The following NRF1 variants were observed in gnomAD, a reference collection of about 807,000 sequenced individuals.
NRF1 encodes alpha palindromic-binding protein.
NRF1 carries 5 observed loss-of-function variants against 58.5 expected under a neutral mutation model. The ratio of observed to expected loss-of-function variants is 0.09; its 90% confidence interval spans 0.04 to 0.18. NRF1 has a LOEUF of 0.18. NRF1 is among the 10% of genes least tolerant of loss of function. The probability of loss-of-function intolerance (pLI) is 1.00; values close to 1 mark genes in which losing one functional copy is unlikely to be tolerated. For synonymous variants in NRF1, 224 were observed against 246.7 expected (o/e 0.91, Z 0.86); for missense variants, 288 against 657.7 (o/e 0.44, Z 6.15).
chr7:129,629,186 TTGTC>T (rs748712223), intron 1 of NRF1, among the ~76,000 whole-genome samples: 3 of 152,202 alleles, frequency 2.0e-5, no homozygotes, highest in Non-Finnish European at 4.4e-5. Flanking sequence ...ACAATATAGT[TTGTC>T]TGTCAGCCAC....
At chr7:129,701,948 G>A (rs1356459105) in intron 5 of NRF1, among the ~76,000 whole-genome samples, 1 of 152,292 alleles carries the variant, frequency 6.6e-6, no homozygotes, top group East Asian at 1.9e-4. Flanking sequence ...AAAATGTTGA[G>A]TGGAAAAAAC....
At chr7:129,690,304 A>C in intron 4 of NRF1, 102 bp from the exon 5 acceptor site, 2 of 1,170,696 alleles carry the variant, frequency 1.7e-6, no homozygotes, top group South Asian at 3.0e-5. Context: ...AAGGCTATGC[A>C]ATGGCTCAGG....
chr7:129,653,871 C>T (rs1015388275), intron 1 of NRF1, among the ~76,000 whole-genome samples: 5 of 152,210 alleles, frequency 3.3e-5, no homozygotes, highest in African/African-American at 1.2e-4. Flanking sequence ...TTTATCCATT[C>T]ACCTACGGAA....
intron 2 of NRF1, among the ~76,000 whole-genome samples, chr7:129,664,543 T>A (rs180867236): frequency 5.1e-4 from 77 of 152,308 alleles, no homozygotes; most frequent in African/African-American, 1.6e-3. Context: ...GGCAAAACAC[T>A]TGAAATGTTT....
At chr7:129,683,158 C>T (rs888760658) in intron 4 of NRF1, among the ~76,000 whole-genome samples, 4 of 151,522 alleles carry the variant, frequency 2.6e-5, no homozygotes, top group African/African-American at 7.3e-5. Context: ...CTGCCTTGGC[C>T]TCCCAAAGCG....
At chr7:129,735,148 G>C (rs1419218000) in intron 10 of NRF1, 1 of 985,320 alleles carries the variant, frequency 1.0e-6, no homozygotes, top group East Asian at 1.1e-4. Context: ...TGAAGACTCA[G>C]AAACCACCTA....
At chr7:129,628,070 G>T (rs1800960951) in intron 1 of NRF1, among the ~76,000 whole-genome samples, 3 of 108,556 alleles carry the variant, frequency 2.8e-5, no homozygotes, top group South Asian at 6.3e-4. Context: ...TTGAGACGGA[G>T]TCTTGCTCTG....
chr7:129,672,200 CTTTT>C (rs58022845), intron 3 of NRF1, among the ~76,000 whole-genome samples: 3 of 116,892 alleles, frequency 2.6e-5, no homozygotes, highest in Admixed American at 9.3e-5. Context: ...GCCAGGAGAT[CTTTT>C]TTTTTTTTTT....
At chr7:129,743,822 T>A (rs1803905217) in intron 10 of NRF1, among the ~76,000 whole-genome samples, 1 of 152,222 alleles carries the variant, frequency 6.6e-6, no homozygotes, top group Admixed American at 6.5e-5. Flanking sequence ...ACCCAGCTGC[T>A]GGGTACTTAG....
chr7:129,688,526 A>T (rs796300071), intron 4 of NRF1, among the ~76,000 whole-genome samples: 1 of 152,200 alleles, frequency 6.6e-6, no homozygotes, highest in African/African-American at 2.4e-5. Flanking sequence ...TAGGTGTATT[A>T]GTCCGTTTTC....
intron 5 of NRF1, among the ~76,000 whole-genome samples, chr7:129,701,563 C>T (rs540019135): frequency 5.1e-4 from 77 of 150,990 alleles, no homozygotes; most frequent in Middle Eastern, 3.4e-3. Context: ...CCACTGCACT[C>T]CAGCCTGGGT....
At chr7:129,717,467 T>G in intron 9 of NRF1, 91 bp downstream of exon 9, 1 of 1,376,290 alleles carries the variant, frequency 7.3e-7, no homozygotes, top group Admixed American at 2.7e-5. Context: ...GTGTCTCTGT[T>G]TGCCACAGTT....
At chr7:129,708,147 G>A (rs11768096) in intron 5 of NRF1, among the ~76,000 whole-genome samples, 2,625 of 152,256 alleles carry the variant, frequency 0.017, 34 homozygotes, top group Non-Finnish European at 0.025. Flanking sequence ...CTTATATCTG[G>A]AGTGCTATAG....
chr7:129,663,239 AT>A (rs1801827659), intron 2 of NRF1, among the ~76,000 whole-genome samples: 2 of 150,796 alleles, frequency 1.3e-5, no homozygotes, highest in Non-Finnish European at 3.0e-5. Flanking sequence ...CGCCATCGTC[AT>A]CATGGCCCGC....
intron 1 of NRF1, among the ~76,000 whole-genome samples, chr7:129,631,286 C>G (rs1801043018): frequency 6.7e-6 from 1 of 149,568 alleles, no homozygotes; most frequent in South Asian, 2.1e-4. Flanking sequence ...CTGATGTGAT[C>G]ACTGCTCACT....
At chr7:129,632,474 A>G (rs1026513799) in intron 1 of NRF1, among the ~76,000 whole-genome samples, 1 of 152,154 alleles carries the variant, frequency 6.6e-6, no homozygotes, top group African/African-American at 2.4e-5. Context: ...CCATATACCT[A>G]CTACCTAAAG....
intron 9 of NRF1, among the ~76,000 whole-genome samples, chr7:129,719,177 G>C (rs1303202626): frequency 6.6e-6 from 1 of 151,098 alleles, no homozygotes; most frequent in African/African-American, 2.4e-5. Flanking sequence ...TTGTTGCCTA[G>C]GCTGAAGTAC....
At chr7:129,613,235 T>C (rs1800581918) in intron 1 of NRF1, among the ~76,000 whole-genome samples, 1 of 152,160 alleles carries the variant, frequency 6.6e-6, no homozygotes, top group Non-Finnish European at 1.5e-5. Context: ...TATTTTTCCT[T>C]TGGGCTTGAC....
At chr7:129,624,466 ACTAT>A in intron 1 of NRF1, among the ~76,000 whole-genome samples, 1 of 152,304 alleles carries the variant, frequency 6.6e-6, no homozygotes, top group South Asian at 2.1e-4. Flanking sequence ...CTTTTGTGGT[ACTAT>A]CTAACATTTT....
Sources: allele counts gnomAD v4.1 joint callset (sites outside exome capture counted in the v4.1 genomes callset), GRCh38; gene constraint gnomAD v4.1.1; transcripts MANE v1.5; gene names NCBI Gene and HGNC (gene_info 2026-07-23, HGNC 2026-07-21).